The following CSMD1 variants were observed in gnomAD, a reference collection of about 807,000 sequenced individuals.
CSMD1 encodes the protein CUB and Sushi multiple domains 1, also known as CUB and sushi domain-containing protein 1.
A neutral mutation model predicts 417.5 loss-of-function variants in CSMD1; 213 were observed. The ratio of observed to expected loss-of-function variants is 0.51; its 90% CI spans 0.46 to 0.57. The LOEUF is 0.57. Among genes scored for constraint, CSMD1 ranks in the 20% least tolerant of loss-of-function variants. The pLI, the probability that CSMD1 is intolerant of heterozygous loss-of-function variation, is 0.00. For missense variants in CSMD1, 6,923 were observed against 4,529.7 expected (o/e 1.53, Z -15.17); for synonymous variants, 2,862 against 1,736.8 (o/e 1.65, Z -16.11).
intron 61 of CSMD1, 138 bp from the exon 62 acceptor site, chr8:2,961,352 T>C: frequency 2.3e-6 from 1 of 429,444 alleles, no homozygotes; most frequent in Non-Finnish European, 4.2e-6. Flanking sequence ...TCAGGAAAGT[T>C]AAAAATTAAA....
At chr8:3,240,706 A>G (rs71521813) in intron 26 of CSMD1, among the ~76,000 whole-genome samples, 59,743 of 151,866 alleles carry the variant, frequency 0.39, 12,198 homozygotes, top group Non-Finnish European at 0.47. Context: ...TTTGAGATCT[A>G]GAACAGAATA....
At chr8:4,916,245 CGGCACACTACGATGACAAGAACACG>C (rs140595881) in intron 1 of CSMD1, among the ~76,000 whole-genome samples, 1,552 of 152,252 alleles carry the variant, frequency 0.01, 24 homozygotes, top group African/African-American at 0.034. Context: ...AATAGAATTT[CGGCACACTACGATGACAAGAACACG>C]GGGTAATATC....
At chr8:4,799,320 A>G (rs1798152505) in intron 1 of CSMD1, among the ~76,000 whole-genome samples, 1 of 152,204 alleles carries the variant, frequency 6.6e-6, no homozygotes, top group South Asian at 2.1e-4. Context: ...AATTTAATTT[A>G]TAATCAAAGA....
Position 3,230,165 on chromosome 8 carries a change from C to T in CSMD1, c.4220G>A (p.Arg1407Lys). ...GAATGTGACGGTGTCTCCAGCCTCT[C>T]TGCTGTCTCCATAGCGGGTGCCATT... ...PQNGTRYGDSREAGDTVTFQC... is the reference protein window; with the variant it reads ...PQNGTRYGDSKEAGDTVTFQC... The change falls in exon 27 of 70, where the codon AGA becomes AAA. Residue 1407 changes from arginine (R) to lysine (K), a missense_variant. Transcript: ENST00000635120. The T allele has an allele frequency of 6.2e-7, 1 of 1,613,518 alleles. No individual in the cohort carries two copies.
Position 4,014,868 on chromosome 8 carries a change from G to C in CSMD1, c.611-16758C>G, listed in dbSNP as rs552860559. ...AAAATAATTTTAGAAATACTACAAA[G>C]TAACCCACAAAGCTGAAAATAATGG... is the stretch of plus-strand genomic sequence containing the variant. On this transcript the variant is annotated intron_variant, in intron 4 of 69. Transcript: ENST00000635120. Among the ~76,000 whole-genome samples the C allele has an allele frequency of 7.9e-5, 12 of 152,210 alleles. No individual in the cohort carries two copies. The East Asian group carries it at 1.7e-3, about 22-fold the overall frequency.
intron 3 of CSMD1, among the ~76,000 whole-genome samples, chr8:4,113,947 G>C (rs1310105235): frequency 2.0e-5 from 3 of 152,184 alleles, no homozygotes; most frequent in Non-Finnish European, 2.9e-5. Flanking sequence ...AAGAAAAGAA[G>C]CCATCTCCAT....
intron 51 of CSMD1, among the ~76,000 whole-genome samples, chr8:3,022,321 C>CCGCAATCCCACAGCATCCGGAATGCACT (rs1809502665): frequency 2.7e-5 from 4 of 150,358 alleles, no homozygotes; most frequent in African/African-American, 9.8e-5. Context: ...CGGAATGCAC[C>CCGCAATCCCACAGCATCCGGAATGCACT]CGCAATCCCA....
chr8:4,361,760 C>G (rs1296075186), intron 3 of CSMD1, among the ~76,000 whole-genome samples: 1 of 152,138 alleles, frequency 6.6e-6, no homozygotes, highest in African/African-American at 2.4e-5. Flanking sequence ...TCGAGACCAT[C>G]CTGGCTAACA....
At chr8:4,694,116 C>G (rs1806958655) in intron 1 of CSMD1, among the ~76,000 whole-genome samples, 1 of 152,120 alleles carries the variant, frequency 6.6e-6, no homozygotes, top group Admixed American at 6.5e-5. Context: ...TGCTACGTAC[C>G]TCCCTCACGA....
At chr8:4,098,012 G>C (rs1334145035) in intron 3 of CSMD1, among the ~76,000 whole-genome samples, 1 of 152,156 alleles carries the variant, frequency 6.6e-6, no homozygotes, top group Non-Finnish European at 1.5e-5. Context: ...TGTCAAGAGT[G>C]ATTTGCAGGA....
intron 38 of CSMD1, among the ~76,000 whole-genome samples, chr8:3,161,680 AAAAACTTCTACTTAATAGTTTTT>A (rs1203439123): frequency 6.6e-6 from 1 of 151,660 alleles, no homozygotes; most frequent in East Asian, 1.9e-4. Context: ...AAGTTCATTG[AAAAACTTCTACTTAATAGTTTTT>A]AAAACTTACT....
chr8:4,096,156 GCTGA>G (rs1203386367), intron 3 of CSMD1, among the ~76,000 whole-genome samples: 1 of 152,106 alleles, frequency 6.6e-6, no homozygotes, highest in Non-Finnish European at 1.5e-5. Context: ...ATAGGTGAGG[GCTGA>G]CTAAGAGATC....
At chr8:3,515,335 C>A (rs1360124627) in intron 10 of CSMD1, 2 of 152,162 alleles carry the variant, frequency 1.3e-5, no homozygotes, top group African/African-American at 4.8e-5. Flanking sequence ...TCCGTGCACT[C>A]ACACAGCTAC....
At chr8:4,408,970 G>A (rs909113672) in intron 3 of CSMD1, among the ~76,000 whole-genome samples, 11 of 152,290 alleles carry the variant, frequency 7.2e-5, no homozygotes, top group Middle Eastern at 3.4e-3. Flanking sequence ...AAAGGGAAAT[G>A]AACTGTGAAT....
intron 1 of CSMD1, among the ~76,000 whole-genome samples, chr8:4,732,304 T>G (rs911035942): frequency 3.3e-5 from 5 of 151,412 alleles, no homozygotes; most frequent in African/African-American, 1.2e-4. Flanking sequence ...TAATGTTAAA[T>G]TAAGACACCT....
At chr8:4,152,250 A>G (rs1023518178) in intron 3 of CSMD1, among the ~76,000 whole-genome samples, 1 of 152,244 alleles carries the variant, frequency 6.6e-6, no homozygotes, top group South Asian at 2.1e-4. Flanking sequence ...TCTCAAGAGA[A>G]TGCTCTATGA....
rs766564255 is a variant in CSMD1 at position 4,323,109 on chromosome 8, T to G, written c.415+96844A>C. On this transcript the variant is annotated intron_variant, in intron 3 of 69. Transcript: ENST00000635120. ...GAATGGAAAAATCATATGATTTTAATGAGACATTAATTGGTGGTTCCAAAG... is the reference window on the plus strand; with the variant it reads ...GAATGGAAAAATCATATGATTTTAAGGAGACATTAATTGGTGGTTCCAAAG... 4.9e-4 allele frequency among the ~76,000 whole-genome samples: 74 copies of G among 152,344 alleles called. 1 individual carries two copies. Among genetic ancestry groups the G allele is most frequent in the Admixed American group, 1.2e-3 (19 of 15,296 alleles).
chr8:3,316,505 G>A (rs558420299), intron 23 of CSMD1, among the ~76,000 whole-genome samples: 1 of 146,636 alleles, frequency 6.8e-6, no homozygotes, highest in East Asian at 2.0e-4. Flanking sequence ...CTAGTATATT[G>A]GTAGCTGGAG....
intron 3 of CSMD1, among the ~76,000 whole-genome samples, chr8:4,038,919 A>C (rs558436768): frequency 6.6e-6 from 1 of 152,286 alleles, no homozygotes; most frequent in Admixed American, 6.5e-5. Context: ...CGTAACACTT[A>C]ATTTGGCAAG....
Sources: gnomAD v4.1 joint callset for allele counts (sites outside exome capture counted in the v4.1 genomes callset) on GRCh38, gnomAD v4.1.1 for gene constraint, MANE v1.5 for transcripts, NCBI Gene and HGNC (gene_info 2026-07-23, HGNC 2026-07-21) for gene names.